The following ADAMTS2 variants were observed in gnomAD, a reference collection of about 807,000 sequenced individuals.
The protein encoded by ADAMTS2 is ADAM metallopeptidase with thrombospondin type 1 motif 2.
In ADAMTS2, 50 loss-of-function variants were observed where a neutral mutation model predicts 123.0. The observed-to-expected ratio is 0.41, with a 90% CI of 0.32 to 0.51. ADAMTS2 has a LOEUF of 0.51. Ranked by LOEUF, ADAMTS2 falls within the 20% of genes least tolerant of loss-of-function variation. The pLI, the probability that ADAMTS2 is intolerant of heterozygous loss-of-function variation, is 0.35. For synonymous variants in ADAMTS2, 678 were observed against 695.4 expected, an observed-to-expected ratio of 0.98 and a Z score of 0.39; for missense variants, 1,494 against 1,705.2, an observed-to-expected ratio of 0.88 and a Z score of 2.18.
intron 10 of ADAMTS2, among the ~76,000 whole-genome samples, chr5:179,148,144 C>G (rs1356526019): frequency 2.6e-5 from 4 of 152,088 alleles, no homozygotes; most frequent in Non-Finnish European, 4.4e-5. Flanking sequence ...GCCTCAGGGT[C>G]ACCTTCCCCC....
Position 179,114,194 on chromosome 5 carries a change from C to T in ADAMTS2, c.3309G>A (p.Glu1103=). Residue 1103 remains glutamate, a synonymous_variant, in exon 22 of 22, where the codon GAG becomes GAA. Coordinates refer to ENST00000251582, the MANE Select transcript of ADAMTS2 (RefSeq NM_014244.5). ...TCCCAGGCGGTGGCTCTATCCTGCC[C>T]TCCACGTTGGTGAGGTTGTTGTACA... ...CNLYNNLTNV[E]GRIEPPPGKH... is the part of the protein sequence containing the mutation. 6.2e-7 allele frequency: 1 copy of T among 1,612,008 alleles called. No homozygotes were observed. The highest frequency in any genetic ancestry group is 1.3e-5 in the African/African-American group (1 of 74,982).
chr5:179,280,988 A>T (rs533685891), intron 2 of ADAMTS2, among the ~76,000 whole-genome samples: 10 of 152,062 alleles, frequency 6.6e-5, no homozygotes, highest in Admixed American at 6.5e-4. Flanking sequence ...CTCCCAAGTA[A>T]CTGGGATTAC....
At chr5:179,159,068 T>A (rs1763545092) in intron 5 of ADAMTS2, among the ~76,000 whole-genome samples, 189 bp from the exon 6 acceptor site, 1 of 152,280 alleles carries the variant, frequency 6.6e-6, no homozygotes, top group South Asian at 2.1e-4. Flanking sequence ...AAGAAAAGTT[T>A]CCCCAGTCAC....
At chr5:179,156,055 A>T (rs1763463223) in intron 6 of ADAMTS2, among the ~76,000 whole-genome samples, 1 of 152,104 alleles carries the variant, frequency 6.6e-6, no homozygotes, top group Non-Finnish European at 1.5e-5. Flanking sequence ...CCTGAGTGGA[A>T]CGTTGCCATC....
rs11741823 is a variant in ADAMTS2, at chr5:179,192,398, C to T, written c.892-11243G>A. On this transcript the variant is annotated intron_variant, in intron 4 of 21. Coordinates refer to ENST00000251582, the MANE Select transcript of ADAMTS2 (RefSeq NM_014244.5). ...ATGTTCCAGCGCCTCTTGGGCTTGG[C>T]GGGAAACGGCTTTGCCCTTCTGTGC... Among the ~76,000 whole-genome samples, 843 of 152,326 alleles carry T rather than the reference C, an allele frequency of 5.5e-3. 9 individuals are homozygous for T. Among genetic ancestry groups the T allele is most frequent in the African/African-American group, 0.018 (743 of 41,580 alleles).
intron 3 of ADAMTS2, among the ~76,000 whole-genome samples, chr5:179,253,323 T>C (rs985781129): frequency 6.6e-6 from 1 of 152,168 alleles, no homozygotes; most frequent in African/African-American, 2.4e-5. Context: ...TCTGTCCTTT[T>C]TTCTCCTTTA....
intron 3 of ADAMTS2, among the ~76,000 whole-genome samples, chr5:179,250,333 A>G (rs1055715299): frequency 6.6e-6 from 1 of 152,170 alleles, no homozygotes; most frequent in Non-Finnish European, 1.5e-5. Flanking sequence ...AAAAATAAAT[A>G]AATAAAAGGC....
intron 5 of ADAMTS2, among the ~76,000 whole-genome samples, chr5:179,160,556 C>T (rs1561783850): frequency 6.6e-6 from 1 of 152,218 alleles, no homozygotes; most frequent in East Asian, 1.9e-4. Context: ...TCCCAGGGGT[C>T]CCAGTCAATG....
In ADAMTS2 at chr5:179,343,849, A is replaced by C; in HGVS notation, c.452T>G (p.Leu151Arg). 6.2e-7 allele frequency: 1 copy of C among 1,602,472 alleles called. No individual in the cohort carries two copies. The highest frequency in any genetic ancestry group is 8.5e-7 in the Non-Finnish European group (1 of 1,175,970). ...GEKGTTRVEP[L>R]LGSCLYVGDV... is the part of the protein sequence containing the mutation. ...TCCGACGTAGAGACAGCTCCCGAGC[A>C]GGGGCTCCACGCGGGTGGTGCCCTT... Residue 151 changes from leucine (L) to arginine (R), a missense_variant, in exon 2 of 22, where the codon CTG becomes CGG. Physicochemically the swap from Leu to Arg is moderately radical, Grantham distance 102. Around this residue, in one of 6 missense-constraint regions of ADAMTS2, gnomAD observed 237 missense variants for 233.7 expected, o/e 1.01. Transcript: ENST00000251582.
At chr5:179,120,224 G>A (rs1762728050) in intron 21 of ADAMTS2, 1 of 152,018 alleles carries the variant, frequency 6.6e-6, no homozygotes, top group Admixed American at 6.6e-5. Flanking sequence ...ATGACAGGAG[G>A]TCTTTCCATC....
rs1371011237 is a variant in ADAMTS2, at chr5:179,312,750, G to C, written c.534+31017C>G. ...AGCCAAGCACTGCTGGCTGCCACGA[G>C]GACCTGGAAGAGCCCAGGACGCATC... is the stretch of plus-strand genomic sequence containing the variant. On this transcript the variant is annotated intron_variant, in intron 2 of 21. Transcript: ENST00000251582. This position sits in a 1 kb window ranked among gnomAD's most constrained non-coding sequence, Gnocchi z 4.2. 1.3e-5 allele frequency among the ~76,000 whole-genome samples: 2 copies of C among 152,230 alleles called. No homozygotes were observed. The highest frequency in any genetic ancestry group is 1.9e-4 in the East Asian group (1 of 5,196).
rs979350354 is a variant in ADAMTS2 at position 179,234,561 on chromosome 5, C to G, written c.689-26846G>C. ...ACCTCCCCAGGCTCCAGACCCCGCC[C>G]CCTGCTGCCTGCAACTGCCCCTGGG... On this transcript the variant is annotated intron_variant, in intron 3 of 21. Transcript: ENST00000251582. This position sits in a 1 kb window ranked among gnomAD's most constrained non-coding sequence, Gnocchi z 4.7. 3.9e-5 allele frequency among the ~76,000 whole-genome samples: 6 copies of G among 152,082 alleles called. No homozygotes were observed. Among genetic ancestry groups the G allele is most frequent in the Admixed American group, 1.3e-4 (2 of 15,282 alleles).
intron 1 of ADAMTS2, among the ~76,000 whole-genome samples, chr5:179,344,630 G>A (rs1425928891): frequency 6.6e-6 from 1 of 152,244 alleles, no homozygotes; most frequent in Non-Finnish European, 1.5e-5. Context: ...AGCCTCCGGA[G>A]CGGCGGAGTC....
chr5:179,246,373 CA>C, intron 3 of ADAMTS2, among the ~76,000 whole-genome samples: 1 of 152,188 alleles, frequency 6.6e-6, no homozygotes, highest in African/African-American at 2.4e-5. Flanking sequence ...CAGTGTTTGT[CA>C]AAAGTATTTA....
At chr5:179,322,081 C>T (rs34750498) in intron 2 of ADAMTS2, among the ~76,000 whole-genome samples, 2 of 152,328 alleles carry the variant, frequency 1.3e-5, no homozygotes, top group Non-Finnish European at 2.9e-5. Context: ...ACGTGGGAGA[C>T]ACACAAAAAT....
chr5:179,310,437 G>C (rs1451364587), intron 2 of ADAMTS2, among the ~76,000 whole-genome samples: 1 of 152,210 alleles, frequency 6.6e-6, no homozygotes, highest in Non-Finnish European at 1.5e-5. Context: ...GTATGGCCTA[G>C]AGAGCCCCAG....
Position 179,118,172 on chromosome 5 carries a change from A to C in ADAMTS2, c.3178+3489T>G, listed in dbSNP as rs1335225070. 6.6e-6 allele frequency among the ~76,000 whole-genome samples: 1 copy of C among 152,206 alleles called. No homozygotes were observed. The highest frequency in any genetic ancestry group is 1.5e-5 in the Non-Finnish European group (1 of 68,044). ...CGTCAATGAGTAAATACAAAATTGA[A>C]ATAAAATCCTGGCCAAGAGATTGAC... On this transcript the variant is annotated intron_variant, in intron 21 of 21. Coordinates refer to ENST00000251582, the MANE Select transcript of ADAMTS2 (RefSeq NM_014244.5). This position sits in a 1 kb window ranked among gnomAD's most constrained non-coding sequence, Gnocchi z 4.5.
In ADAMTS2 at chr5:179,172,452, C is replaced by G. The variant is rs185389774; in HGVS notation, c.975+8620G>C. The stretch of plus-strand genomic sequence containing the variant: ...GGCAAGGCGCATGAGGGGCAGGGGC[C>G]AAGGAGGCCCTGGCCAGGAGGGTGG... On this transcript the variant is annotated intron_variant, in intron 5 of 21. Coordinates refer to ENST00000251582, the MANE Select transcript of ADAMTS2 (RefSeq NM_014244.5). Among the ~76,000 whole-genome samples, 964 of 152,362 alleles carry G rather than the reference C, an allele frequency of 6.3e-3. 1 individual carries two copies. The highest frequency in any genetic ancestry group is 0.011 in the Non-Finnish European group (774 of 68,040).
chr5:179,188,475 C>T lies in ADAMTS2; in HGVS notation c.892-7320G>A, dbSNP rs150820845. Among the ~76,000 whole-genome samples the T allele has an allele frequency of 2.9e-3, 444 of 152,294 alleles. 1 individual carries two copies. Among genetic ancestry groups the T allele is most frequent in the Non-Finnish European group, 4.9e-3 (335 of 68,030 alleles). ...TTGCATGGTGCCTAAACGGGGCTGC[C>T]AGAGCCTGGGCTTATCATGAGAATC... On this transcript the variant is annotated intron_variant, in intron 4 of 21. Coordinates refer to ENST00000251582, the MANE Select transcript of ADAMTS2 (RefSeq NM_014244.5). The surrounding 1 kb of genome is among the most constrained non-coding windows in gnomAD (Gnocchi z 5.1).
Sources: allele counts gnomAD v4.1 joint callset (sites outside exome capture counted in the v4.1 genomes callset), GRCh38; gene constraint gnomAD v4.1.1; regional missense constraint gnomAD v4.1.1; non-coding constraint Gnocchi (gnomAD v3.1); transcripts MANE v1.5; gene names NCBI Gene and HGNC (gene_info 2026-07-23, HGNC 2026-07-21).